The following CDH4 variants were observed in gnomAD, a reference collection of about 807,000 sequenced individuals.
CDH4 encodes cadherin 4.
Under a neutral mutation model 86.0 loss-of-function variants are expected in CDH4, and 33 were observed. The ratio of observed to expected loss-of-function variants is 0.38; its 90% CI spans 0.29 to 0.51. CDH4 has a LOEUF of 0.51. CDH4 is among the 20% of genes least tolerant of loss of function. CDH4 has a pLI of 0.86. For synonymous variants in CDH4, 555 were observed against 549.4 expected (o/e 1.01, Z -0.14); for missense variants, 1,114 against 1,307.4 (o/e 0.85, Z 2.28).
intron 2 of CDH4, among the ~76,000 whole-genome samples, chr20:61,284,462 G>A (rs551665251): frequency 6.6e-6 from 1 of 152,330 alleles, no homozygotes; most frequent in African/African-American, 2.4e-5. Flanking sequence ...TACAAACACA[G>A]CTTCTGGGTC....
intron 2 of CDH4, among the ~76,000 whole-genome samples, chr20:61,264,691 T>C (rs1277030841): frequency 9.5e-5 from 13 of 137,324 alleles, no homozygotes; most frequent in East Asian, 2.4e-4. Flanking sequence ...TACACATATC[T>C]CAGTGGCTCC....
chr20:61,345,557 C>T (rs550427565), intron 2 of CDH4, among the ~76,000 whole-genome samples: 9 of 152,320 alleles, frequency 5.9e-5, no homozygotes, highest in African/African-American at 2.2e-4. Context: ...GTAATAACAA[C>T]GTAAGGAGCC....
intron 2 of CDH4, among the ~76,000 whole-genome samples, chr20:61,616,273 C>T (rs973907595): frequency 1.3e-5 from 2 of 152,222 alleles, no homozygotes; most frequent in African/African-American, 4.8e-5. Flanking sequence ...TGCCTTCCCT[C>T]GGGGAATCAG....
intron 2 of CDH4, among the ~76,000 whole-genome samples, chr20:61,339,141 G>A (rs2084635916): frequency 6.6e-6 from 1 of 152,118 alleles, no homozygotes; most frequent in Non-Finnish European, 1.5e-5. Flanking sequence ...TGACAAAATG[G>A]TATTGTTTAT....
chr20:61,751,714 A>G (rs1432257356), intron 3 of CDH4, among the ~76,000 whole-genome samples: 2 of 152,222 alleles, frequency 1.3e-5, no homozygotes, highest in Non-Finnish European at 2.9e-5. Flanking sequence ...GATGTCCTCA[A>G]TTTTGCCCCT....
chr20:61,854,007 G>A (rs986827770), intron 6 of CDH4, among the ~76,000 whole-genome samples: 12 of 152,274 alleles, frequency 7.9e-5, no homozygotes, highest in South Asian at 2.1e-4. Flanking sequence ...CATTTAGGAC[G>A]GACTTACACT....
At chr20:61,885,644 A>C (rs1438950329) in intron 7 of CDH4, among the ~76,000 whole-genome samples, 3 of 152,172 alleles carry the variant, frequency 2.0e-5, no homozygotes, top group Non-Finnish European at 4.4e-5. Flanking sequence ...TTTTGGATAC[A>C]TACCCAGGAG....
intron 2 of CDH4, among the ~76,000 whole-genome samples, chr20:61,695,703 C>G (rs1010995801): frequency 6.6e-6 from 1 of 152,220 alleles, no homozygotes; most frequent in Non-Finnish European, 1.5e-5. Flanking sequence ...GTCACAGTGT[C>G]TGAGAGAGGA....
intron 9 of CDH4, 33 bp downstream of exon 9, chr20:61,910,640 C>G (rs2054840640): frequency 6.3e-7 from 1 of 1,581,286 alleles, no homozygotes; most frequent in Non-Finnish European, 8.7e-7. Context: ...GCCAGGCACC[C>G]CAAGTTCTGC....
chr20:61,488,194 T>C (rs1012136624), intron 2 of CDH4, among the ~76,000 whole-genome samples: 1 of 152,252 alleles, frequency 6.6e-6, no homozygotes, highest in African/African-American at 2.4e-5. Context: ...CCACAGCTAT[T>C]ATTCTGCCCT....
chr20:61,857,432 A>G (rs1448455385), intron 6 of CDH4, among the ~76,000 whole-genome samples: 1 of 152,232 alleles, frequency 6.6e-6, no homozygotes, highest in Admixed American at 6.5e-5. Flanking sequence ...TTCCCCAGAA[A>G]GTGGAACCAA....
At chr20:61,481,167 C>G (rs572055403) in intron 2 of CDH4, among the ~76,000 whole-genome samples, 1 of 152,132 alleles carries the variant, frequency 6.6e-6, no homozygotes, top group African/African-American at 2.4e-5. Context: ...GCAGTTTCAC[C>G]CCCCAGGGAA....
At chr20:61,868,484 G>T (rs185307263) in intron 6 of CDH4, among the ~76,000 whole-genome samples, 11 of 152,290 alleles carry the variant, frequency 7.2e-5, no homozygotes, top group Middle Eastern at 3.4e-3. Context: ...ACAGTATTCA[G>T]CATCATAGAC....
At chr20:61,562,014 GGAGA>G (rs1600760226) in intron 2 of CDH4, among the ~76,000 whole-genome samples, 1 of 142,628 alleles carries the variant, frequency 7.0e-6, no homozygotes, top group East Asian at 2.1e-4. Context: ...CAGGGCTCCC[GGAGA>G]GAGAGAGGGG....
intron 5 of CDH4, 129 bp from the exon 6 acceptor site, chr20:61,852,625 C>T (rs542081865): frequency 4.8e-4 from 400 of 825,472 alleles, no homozygotes; most frequent in Non-Finnish European, 6.4e-4. Flanking sequence ...GTGTCCAAAG[C>T]CCCCCGGCCC....
At chr20:61,378,214 C>T (rs2084882470) in intron 2 of CDH4, among the ~76,000 whole-genome samples, 1 of 152,138 alleles carries the variant, frequency 6.6e-6, no homozygotes, top group Non-Finnish European at 1.5e-5. Context: ...TGATCATTGC[C>T]ACTGCACGGC....
intron 2 of CDH4, among the ~76,000 whole-genome samples, chr20:61,385,493 G>A (rs1260753859): frequency 6.6e-6 from 1 of 151,924 alleles, no homozygotes; most frequent in Non-Finnish European, 1.5e-5. Context: ...AAGAATTCTT[G>A]AACGCTTCCT....
intron 2 of CDH4, among the ~76,000 whole-genome samples, chr20:61,655,868 G>A (rs993632163): frequency 1.3e-5 from 2 of 152,252 alleles, no homozygotes; most frequent in African/African-American, 2.4e-5. Flanking sequence ...CCCAGGTGAA[G>A]TGTGTGGCTA....
At chr20:61,576,118 C>T (rs1006117091) in intron 2 of CDH4, among the ~76,000 whole-genome samples, 7 of 152,126 alleles carry the variant, frequency 4.6e-5, no homozygotes, top group South Asian at 2.1e-4. Context: ...GTGTGGGCTC[C>T]GAATCAAAGC....
Sources: allele counts gnomAD v4.1 joint callset (sites outside exome capture counted in the v4.1 genomes callset), GRCh38; gene constraint gnomAD v4.1.1; transcripts MANE v1.5; gene names NCBI Gene and HGNC (gene_info 2026-07-23, HGNC 2026-07-21).